Variants in KIF26A observed in about 807,000 individuals in gnomAD.
The protein encoded by KIF26A is kinesin-like protein KIF26A.
In KIF26A, 74 loss-of-function variants were observed where a neutral mutation model predicts 126.0. The observed-to-expected ratio is 0.59, with a 90% CI of 0.49 to 0.71. KIF26A has a LOEUF of 0.71. KIF26A is among the 30% of genes least tolerant of loss of function. KIF26A has a pLI of 0.00. For synonymous variants in KIF26A, 1,445 were observed against 1,232.7 expected (o/e 1.17, Z -3.61); for missense variants, 2,984 against 2,763.3 (o/e 1.08, Z -1.79).
chr14:104,142,054 C>G (rs2037642543), intron 2 of KIF26A, among the ~76,000 whole-genome samples: 1 of 151,828 alleles, frequency 6.6e-6, no homozygotes, highest in Non-Finnish European at 1.5e-5. Flanking sequence ...GCTGTGTGCT[C>G]TTGTCTGCCT....
In KIF26A at chr14:104,176,376, C is replaced by A. The variant is rs759080681; in HGVS notation, c.3588C>A (p.Pro1196=). 3 of 1,585,320 alleles carry A rather than the reference C, an allele frequency of 1.9e-6. No individual in the cohort carries two copies. The South Asian group carries it at 3.4e-5, about 18-fold the overall frequency. Residue 1196 remains proline (P), a synonymous_variant, in exon 12 of 15, where the codon CCC becomes CCA. Transcript: ENST00000423312. ...CCGGCAGGGAGCCCCAGGCCGGGCCCTCGCGGTGGGCATCCGCAGCCCAGA... is the reference window on the plus strand; with the variant it reads ...CCGGCAGGGAGCCCCAGGCCGGGCCATCGCGGTGGGCATCCGCAGCCCAGA... ...SRPGREPQAG[P]SRWASAAQTI...
Position 104,179,602 on chromosome 14 carries a change from TC to T in KIF26A, c.5468-3del. The T allele has an allele frequency of 6.6e-7, 1 of 1,506,314 alleles. No individual in the cohort carries two copies. Among genetic ancestry groups the T allele is most frequent in the Non-Finnish European group, 8.9e-7 (1 of 1,124,962 alleles). The allele number at this position is 1,506,314 out of a possible 1,614,324, so 93.3% of individuals were successfully genotyped here. A position where few individuals can be genotyped will look rare whatever the true frequency, so the allele number is the denominator to read the frequency against. On this transcript the variant is annotated splice_region_variant and splice_polypyrimidine_tract_variant and intron_variant, in intron 14 of 14. Coordinates refer to ENST00000423312, the MANE Select transcript of KIF26A (RefSeq NM_015656.2). ...CAGGTGCCCCTCCCCTCTCCTCCCC[TC>T]CCCAGTTGAGGTGGACCCGGAGCTG...
chr14:104,142,392 C>T (rs763914116), intron 2 of KIF26A, among the ~76,000 whole-genome samples: 1 of 152,176 alleles, frequency 6.6e-6, no homozygotes, highest in East Asian at 1.9e-4. Context: ...TGTCTCCGGG[C>T]TGACTACTTC....
Position 104,175,891 on chromosome 14 carries a change from A to T in KIF26A, c.3103A>T (p.Thr1035Ser). The T allele has an allele frequency of 6.5e-7, 1 of 1,542,218 alleles. No individual in the cohort carries two copies. Among genetic ancestry groups the T allele is most frequent in the Non-Finnish European group, 8.7e-7 (1 of 1,148,916 alleles). Residue 1035 changes from threonine to serine, a missense_variant, in exon 12 of 15, where the codon ACG (threonine) becomes TCG (serine). Physicochemically the swap from Thr to Ser is moderately conservative, Grantham distance 58. Coordinates refer to ENST00000423312, the MANE Select transcript of KIF26A (RefSeq NM_015656.2). ...ELNGEDELVF[T>S]VVEELSLGAL... is the part of the protein sequence containing the mutation. ...CAACGGCGAGGACGAGCTGGTGTTC[A>T]CGGTGGTGGAGGAGCTGTCCCTGGG...
chr14:104,173,566 A>T (rs1189161432), intron 9 of KIF26A, 53 bp downstream of exon 9: 1 of 1,506,536 alleles, frequency 6.6e-7, no homozygotes, highest in African/African-American at 1.4e-5. Context: ...GTCAGCAGAG[A>T]CCCAGGCACA....
chr14:104,164,917 CTG>C (rs925007949), intron 4 of KIF26A, among the ~76,000 whole-genome samples: 4 of 151,068 alleles, frequency 2.6e-5, no homozygotes, highest in Non-Finnish European at 5.9e-5. Context: ...GTGTCTGTCT[CTG>C]TGTGTGTCTC....
intron 4 of KIF26A, among the ~76,000 whole-genome samples, chr14:104,158,264 C>G (rs1236833079): frequency 2.0e-5 from 3 of 152,266 alleles, no homozygotes; most frequent in Admixed American, 2.0e-4. Flanking sequence ...CAACTAACCT[C>G]TCTGTGCCTC....
rs1272801046 is a variant in KIF26A, at chr14:104,176,542, A to T, written c.3754A>T (p.Thr1252Ser). 6.9e-6 allele frequency: 11 copies of T among 1,605,296 alleles called. No homozygotes were observed. The highest frequency in any genetic ancestry group is 9.3e-6 in the Non-Finnish European group (11 of 1,179,642). Residue 1252 changes from threonine to serine, a missense_variant, in exon 12 of 15, where the codon ACC (threonine) becomes TCC (serine). Thr to Ser is a moderately conservative substitution (Grantham distance 58). Transcript: ENST00000423312. ...PWLLRVGECD[T>S]QAASAGRAPS... The stretch of plus-strand genomic sequence containing the variant: ...GCTGCTCCGGGTAGGGGAGTGTGAT[A>T]CCCAGGCAGCTTCTGCTGGCAGGGC...
At position 104,155,326 on chromosome 14, in the gene KIF26A, C is replaced by T. The variant is rs537191603; in HGVS notation, c.736-2429C>T. Reference sequence around the variant, plus strand: ...TTGGCATTTCCTAAACTGTGCTCCACGGAACCCTGGTGTTCCCCGAGGTTG... The same window carrying T: ...TTGGCATTTCCTAAACTGTGCTCCATGGAACCCTGGTGTTCCCCGAGGTTG... On this transcript the variant is annotated intron_variant, in intron 3 of 14. Transcript: ENST00000423312. Among the ~76,000 whole-genome samples the T allele has an allele frequency of 1.6e-4, 24 of 152,350 alleles. No individual in the cohort carries two copies. The South Asian group carries it at 3.7e-3, about 24-fold the overall frequency.
At position 104,180,070 on chromosome 14, in the gene KIF26A, A is replaced by G. The variant is rs2141123844; in HGVS notation, c.*280A>G. ...TTCTCCCTTTTGCATTTGGTGCTAC[A>G]GACTTGAGACACCAGCAGAAGTTGT... On this transcript the variant is annotated 3_prime_UTR_variant, in exon 15 of 15. Transcript: ENST00000423312. The G allele has an allele frequency of 2.7e-6, 1 of 374,968 alleles. No individual in the cohort carries two copies. Among genetic ancestry groups the G allele is most frequent in the Non-Finnish European group, 4.8e-6 (1 of 209,682 alleles). The allele number at this position is 374,968 out of a possible 1,614,324, so 23.2% of individuals were successfully genotyped here.
chr14:104,138,714 G>A lies in KIF26A; in HGVS notation c.-9G>A. 1.6e-6 allele frequency: 2 copies of A among 1,266,134 alleles called. No individual in the cohort carries two copies. Among genetic ancestry groups the A allele is most frequent in the Non-Finnish European group, 2.0e-6 (2 of 1,007,206 alleles). The allele number at this position is 1,266,134 out of a possible 1,614,324, so 78.4% of individuals were successfully genotyped here. ...GGAGCGCCTGCCGGGCTCTTCCCGC[G>A]CCCCGGCCATGGTCGGCCGCGGCGT... On this transcript the variant is annotated 5_prime_UTR_variant, in exon 1 of 15. Transcript: ENST00000423312.
At chr14:104,162,570 G>A (rs1235002281) in intron 4 of KIF26A, among the ~76,000 whole-genome samples, 1 of 152,172 alleles carries the variant, frequency 6.6e-6, no homozygotes, top group Non-Finnish European at 1.5e-5. Flanking sequence ...GTGCTTGCCC[G>A]GCCTCCGCGT....
At position 104,172,479 on chromosome 14, in the gene KIF26A, C is replaced by T. The variant is rs191384510; in HGVS notation, c.1327-96C>T. On this transcript the variant is annotated intron_variant, in intron 6 of 14. Coordinates refer to ENST00000423312, the MANE Select transcript of KIF26A (RefSeq NM_015656.2). ...TGTGCAGCCCAATCTCCTTGTGGGT[C>T]GACTGCCTGCATGTGCCAGGACAGA... The T allele has an allele frequency of 2.1e-4, 167 of 793,074 alleles. 1 individual carries two copies. The East Asian group carries it at 3.2e-3, about 15-fold the overall frequency. The allele number at this position is 793,074 out of a possible 1,614,324, so 49.1% of individuals were successfully genotyped here.
chr14:104,178,810 A>T (rs751836844), intron 13 of KIF26A, 55 bp downstream of exon 13: 2 of 1,052,602 alleles, frequency 1.9e-6, no homozygotes, highest in Admixed American at 2.8e-5. Context: ...CCTGCCGCGG[A>T]TGGCAGAGTG....
In KIF26A at chr14:104,179,937, GGGGA is replaced by G. The variant is rs2038083931; in HGVS notation, c.*155_*158del. ...AGTCTCAGAGAGGAGACGGAGTGTG[GGGGA>G]GGGAGGGCCGGCCACGCGGTGGACA... On this transcript the variant is annotated 3_prime_UTR_variant, in exon 15 of 15. Transcript: ENST00000423312. The G allele has an allele frequency of 4.5e-6, 4 of 881,376 alleles. 1 individual carries two copies. The highest frequency in any genetic ancestry group is 5.7e-5 in the East Asian group (2 of 35,354). The allele number at this position is 881,376 out of a possible 1,614,324, so 54.6% of individuals were successfully genotyped here.
intron 12 of KIF26A, among the ~76,000 whole-genome samples, chr14:104,178,101 A>G (rs1162423430): frequency 1.3e-5 from 2 of 152,168 alleles, no homozygotes; most frequent in Non-Finnish European, 2.9e-5. Flanking sequence ...TGCAGTTTAT[A>G]AACCCCCTGT....
chr14:104,142,389 G>A (rs930976101), intron 2 of KIF26A, among the ~76,000 whole-genome samples: 3 of 152,100 alleles, frequency 2.0e-5, no homozygotes, highest in Non-Finnish European at 2.9e-5. Context: ...CCTTGTCTCC[G>A]GGCTGACTAC....
chr14:104,172,366 G>C (rs906870576), intron 6 of KIF26A, among the ~76,000 whole-genome samples: 1 of 152,244 alleles, frequency 6.6e-6, no homozygotes, highest in Non-Finnish European at 1.5e-5. Flanking sequence ...GCACGTGTCT[G>C]GCCAGTCCCT....
rs376560266 is a variant in KIF26A at position 104,173,811 on chromosome 14, C to G, written c.1973C>G (p.Ser658Trp). ...GGGGGTCCCCTGTGTCTGTCCCTGTCGGCCCTGGGCAGCGTCATCTTGGCC... is the reference window on the plus strand; with the variant it reads ...GGGGGTCCCCTGTGTCTGTCCCTGTGGGCCCTGGGCAGCGTCATCTTGGCC... ...AAGGPLCLSL[S>W]ALGSVILALV... Residue 658 changes from serine to tryptophan, a missense_variant, in exon 10 of 15, where the codon TCG becomes TGG. Coordinates refer to ENST00000423312, the MANE Select transcript of KIF26A (RefSeq NM_015656.2). 6.2e-7 allele frequency: 1 copy of G among 1,603,490 alleles called. No individual in the cohort carries two copies. The highest frequency in any genetic ancestry group is 8.5e-7 in the Non-Finnish European group (1 of 1,179,238).
Sources: gnomAD v4.1 joint callset for allele counts (sites outside exome capture counted in the v4.1 genomes callset) on GRCh38, gnomAD v4.1.1 for gene constraint, MANE v1.5 for transcripts, NCBI Gene and HGNC (gene_info 2026-07-23, HGNC 2026-07-21) for gene names.